The following CTNNA2 variants were observed in gnomAD, a reference collection of about 807,000 sequenced individuals.
The protein encoded by CTNNA2 is catenin alpha 2.
Under a neutral mutation model 101.0 loss-of-function variants are expected in CTNNA2, and 42 were observed. The observed-to-expected ratio is 0.42, with a 90% CI of 0.32 to 0.54. The LOEUF is 0.54. CTNNA2 is among the 20% of genes least tolerant of loss of function. The pLI is 0.14. For missense variants in CTNNA2, 871 were observed against 1,223.1 expected, an observed-to-expected ratio of 0.71 and a Z score of 4.29; for synonymous variants, 450 against 456.4, an observed-to-expected ratio of 0.99 and a Z score of 0.18.
intron 7 of CTNNA2, among the ~76,000 whole-genome samples, chr2:80,319,372 G>A (rs1678458984): frequency 2.6e-5 from 4 of 152,040 alleles, no homozygotes; most frequent in Admixed American, 2.6e-4. Context: ...AACGAGACTG[G>A]CATATTGCCA....
At chr2:79,565,750 T>G (rs1222192643) in intron 1 of CTNNA2, among the ~76,000 whole-genome samples, 1 of 152,036 alleles carries the variant, frequency 6.6e-6, no homozygotes, top group Non-Finnish European at 1.5e-5. Flanking sequence ...AGTTACAAAT[T>G]TGTTTCATGT....
intron 1 of CTNNA2, among the ~76,000 whole-genome samples, chr2:79,531,195 C>CACAT (rs1553421637): frequency 9.1e-6 from 1 of 110,280 alleles, no homozygotes; most frequent in Non-Finnish European, 1.9e-5. Flanking sequence ...TAGATACGCT[C>CACAT]ATATATATAT....
At chr2:80,418,185 C>T (rs1165640004) in intron 8 of CTNNA2, among the ~76,000 whole-genome samples, 3 of 152,116 alleles carry the variant, frequency 2.0e-5, no homozygotes, top group South Asian at 2.1e-4. Flanking sequence ...TTACCCTAGG[C>T]GCTGCCATTT....
chr2:80,401,283 G>A (rs1260616732), intron 8 of CTNNA2, among the ~76,000 whole-genome samples: 2 of 152,070 alleles, frequency 1.3e-5, no homozygotes, highest in East Asian at 3.9e-4. Flanking sequence ...TGTAGTCACC[G>A]CACCCAGGAA....
At chr2:79,303,611 CT>C (rs1369783630) in intron 2 of CTNNA2, among the ~76,000 whole-genome samples, 1 of 152,068 alleles carries the variant, frequency 6.6e-6, no homozygotes, top group Non-Finnish European at 1.5e-5. Context: ...TCTGACTTCT[CT>C]TCAGCTTCTT....
At chr2:79,734,833 A>G (rs1200830316) in intron 2 of CTNNA2, among the ~76,000 whole-genome samples, 1 of 152,162 alleles carries the variant, frequency 6.6e-6, no homozygotes, top group African/African-American at 2.4e-5. Context: ...CCAGTTTCTA[A>G]GAGGAAGTAT....
chr2:79,624,551 G>A (rs571468337), intron 1 of CTNNA2, among the ~76,000 whole-genome samples: 31 of 152,148 alleles, frequency 2.0e-4, no homozygotes, highest in Non-Finnish European at 4.0e-4. Context: ...GTAATGCCGG[G>A]GAGGACTGCA....
chr2:79,929,397 T>G (rs912143825), intron 7 of CTNNA2, among the ~76,000 whole-genome samples: 1 of 152,216 alleles, frequency 6.6e-6, no homozygotes, highest in Non-Finnish European at 1.5e-5. Flanking sequence ...CGAAACTGTA[T>G]GTATGACCAC....
At chr2:79,746,979 T>C (rs527986274) in intron 3 of CTNNA2, among the ~76,000 whole-genome samples, 3 of 152,320 alleles carry the variant, frequency 2.0e-5, no homozygotes, top group Non-Finnish European at 4.4e-5. Context: ...ATGAATGGTC[T>C]CTTCCAATTC....
At chr2:80,051,717 C>A (rs1326600714) in intron 7 of CTNNA2, among the ~76,000 whole-genome samples, 1 of 152,000 alleles carries the variant, frequency 6.6e-6, no homozygotes, top group African/African-American at 2.4e-5. Flanking sequence ...GAGGCCATTG[C>A]TCATGCCATT....
intron 2 of CTNNA2, among the ~76,000 whole-genome samples, chr2:79,731,676 G>A (rs968313671): frequency 6.6e-6 from 1 of 152,066 alleles, no homozygotes; most frequent in Non-Finnish European, 1.5e-5. Context: ...ATTTTAGTGA[G>A]TGGAAAATCT....
In CTNNA2 at chr2:79,781,426, G is replaced by T. The variant is rs190169178; in HGVS notation, c.298+36844G>T. On this transcript the variant is annotated intron_variant, in intron 3 of 18. Transcript: ENST00000402739. ...GAATGCCTTAACCATCTGGGAATGCGGCCCAGTAGCTTTCAGCCTTATTTT... is the reference window on the plus strand; with the variant it reads ...GAATGCCTTAACCATCTGGGAATGCTGCCCAGTAGCTTTCAGCCTTATTTT... Among the ~76,000 whole-genome samples the T allele has an allele frequency of 2.4e-4, 37 of 152,176 alleles. 1 individual carries two copies. Among genetic ancestry groups the T allele is most frequent in the Admixed American group, 2.0e-4 (3 of 15,292 alleles).
intron 2 of CTNNA2, among the ~76,000 whole-genome samples, chr2:79,288,807 G>A (rs1335864467): frequency 6.6e-6 from 1 of 152,198 alleles, no homozygotes; most frequent in Non-Finnish European, 1.5e-5. Context: ...CATATTAAAA[G>A]AGTGAAGAAT....
intron 7 of CTNNA2, among the ~76,000 whole-genome samples, chr2:79,917,925 T>C (rs1478762847): frequency 6.6e-6 from 1 of 152,090 alleles, no homozygotes; most frequent in Non-Finnish European, 1.5e-5. Context: ...ACAGTACCCA[T>C]CAGAGCTATG....
intron 15 of CTNNA2, among the ~76,000 whole-genome samples, chr2:80,596,858 C>T (rs967875313): frequency 6.6e-6 from 1 of 152,096 alleles, no homozygotes; most frequent in African/African-American, 2.4e-5. Flanking sequence ...TCATAAATAG[C>T]TCTCACTATT....
intron 7 of CTNNA2, among the ~76,000 whole-genome samples, chr2:79,986,713 G>A (rs1691787816): frequency 6.6e-6 from 1 of 152,028 alleles, no homozygotes. Context: ...TTTCCTCCAT[G>A]ACATTGTTGA....
chr2:80,564,263 T>C (rs1693858272), intron 12 of CTNNA2, among the ~76,000 whole-genome samples: 1 of 152,282 alleles, frequency 6.6e-6, no homozygotes, highest in Middle Eastern at 3.4e-3. Flanking sequence ...TGACAAACAC[T>C]AAGCTAAATA....
chr2:80,290,704 T>A (rs1341006813), intron 7 of CTNNA2, among the ~76,000 whole-genome samples: 2 of 152,172 alleles, frequency 1.3e-5, no homozygotes, highest in East Asian at 3.9e-4. Flanking sequence ...CAAAAATTAG[T>A]ACAATTTATT....
intron 4 of CTNNA2, among the ~76,000 whole-genome samples, chr2:79,469,628 C>G (rs1336977356): frequency 1.3e-5 from 2 of 152,282 alleles, no homozygotes; most frequent in East Asian, 3.9e-4. Flanking sequence ...CAAAAATCCT[C>G]AATAAAATAC....
Sources: gnomAD v4.1 joint callset for allele counts (sites outside exome capture counted in the v4.1 genomes callset) on GRCh38, gnomAD v4.1.1 for gene constraint, MANE v1.5 for transcripts, NCBI Gene and HGNC (gene_info 2026-07-23, HGNC 2026-07-21) for gene names.